ACOT1: variants seen among roughly 807,000 people sequenced by gnomAD.
The protein encoded by ACOT1 is acyl-coenzyme A thioesterase 1.
In ACOT1, 8 loss-of-function variants were observed where a neutral mutation model predicts 15.7. That is an observed-to-expected ratio of 0.51 (90% CI 0.30 to 0.92). ACOT1 has a LOEUF of 0.92. Ranked by LOEUF, ACOT1 falls within the 40% of genes least tolerant of loss-of-function variation. The probability of loss-of-function intolerance (pLI) is 0.06; values close to 1 mark genes in which losing one functional copy is unlikely to be tolerated. For missense variants in ACOT1, 151 were observed against 539.4 expected, an observed-to-expected ratio of 0.28 and a Z score of 7.13; for synonymous variants, 67 against 241.2, an observed-to-expected ratio of 0.28 and a Z score of 6.69.
chr14:73,522,834 G>T, the ACOT1 span: 2 of 1,614,072 alleles, frequency 1.2e-6, no homozygotes, highest in Non-Finnish European at 1.7e-6. Flanking sequence ...TTCCTGATCT[G>T]GGGAGTATGG....
the ACOT1 span, among the ~76,000 whole-genome samples, chr14:73,526,688 G>A: frequency 2.5e-4 from 38 of 152,322 alleles, no homozygotes; most frequent in African/African-American, 8.7e-4. Flanking sequence ...CCTACCCTGC[G>A]CCAGAAGGGA....
At chr14:73,520,739 G>A in the ACOT1 span, 3 of 956,562 alleles carry the variant, frequency 3.1e-6, no homozygotes, top group Non-Finnish European at 4.8e-6. Context: ...TGAAAACCTG[G>A]GTCATCCAGG....
chr14:73,504,003 TG>T, the ACOT1 span, among the ~76,000 whole-genome samples: 1 of 152,146 alleles, frequency 6.6e-6, no homozygotes, highest in Non-Finnish European at 1.5e-5. Flanking sequence ...ACAAATGAAT[TG>T]GAAGTTGTTA....
At chr14:73,499,013 A>C in the ACOT1 span, 2 of 1,446,524 alleles carry the variant, frequency 1.4e-6, no homozygotes, top group Non-Finnish European at 1.9e-6. Flanking sequence ...GATCATTTCT[A>C]CTTGCATAGG....
At chr14:73,516,083 C>T in the ACOT1 span, among the ~76,000 whole-genome samples, 1 of 50,094 alleles carries the variant, frequency 2.0e-5, no homozygotes, top group Admixed American at 2.2e-4. Flanking sequence ...ACTTTGGTTC[C>T]AGTCCTTTGG....
chr14:73,524,348 C>A, the ACOT1 span, among the ~76,000 whole-genome samples: 278 of 128,032 alleles, frequency 2.2e-3, 2 homozygotes, highest in African/African-American at 8.2e-3. Context: ...ATAGCTGTAA[C>A]GTATTTTATC....
the ACOT1 span, chr14:73,522,294 G>C: frequency 1.9e-6 from 3 of 1,614,080 alleles, no homozygotes; most frequent in Non-Finnish European, 2.5e-6. Flanking sequence ...GGAAGCAGCA[G>C]TTCTGGCTTC....
the ACOT1 span, chr14:73,493,059 C>T: frequency 6.2e-7 from 1 of 1,607,050 alleles, no homozygotes; most frequent in African/African-American, 1.4e-5. Flanking sequence ...AGTGTGCTCA[C>T]ATTTACCTTT....
the ACOT1 span, chr14:73,492,647 A>G: frequency 1.3e-4 from 215 of 1,614,014 alleles, 2 homozygotes; most frequent in South Asian, 1.4e-3. This position sits in a 1 kb window ranked among gnomAD's most constrained non-coding sequence, Gnocchi z 4.9. Context: ...CCAGTTGACA[A>G]CAGAAACAGA....
chr14:73,528,392 CAAAAAA>C, the ACOT1 span, among the ~76,000 whole-genome samples: 12,811 of 88,408 alleles, frequency 0.14, 849 homozygotes, highest in Non-Finnish European at 0.19. Flanking sequence ...AACTTCATCT[CAAAAAA>C]AAAAAAAAAA....
chr14:73,502,560 T>G, the ACOT1 span, among the ~76,000 whole-genome samples: 11 of 152,052 alleles, frequency 7.2e-5, no homozygotes, highest in Admixed American at 7.2e-4. Context: ...AAGCACTTTT[T>G]TTTTTTGAGA....
the ACOT1 span, among the ~76,000 whole-genome samples, chr14:73,497,784 G>A: frequency 0.018 from 2,678 of 152,008 alleles, 33 homozygotes; most frequent in Admixed American, 0.033. Flanking sequence ...GTGCCACCAT[G>A]CCTGGCTAAT....
the ACOT1 span, among the ~76,000 whole-genome samples, chr14:73,528,575 C>G: frequency 0.046 from 6,933 of 152,032 alleles, 230 homozygotes; most frequent in Middle Eastern, 0.12. Flanking sequence ...AGTCACGGGA[C>G]AGGTGTAAGG....
chr14:73,522,589 T>C, the ACOT1 span: 1 of 1,614,094 alleles, frequency 6.2e-7, no homozygotes, highest in African/African-American at 1.3e-5. Context: ...GCCAGGCTTC[T>C]CTTTCCTCCA....
chr14:73,509,381 TTGC>T, the ACOT1 span: 1 of 1,614,094 alleles, frequency 6.2e-7, no homozygotes, highest in Non-Finnish European at 8.5e-7. Context: ...TATTGGCATA[TTGC>T]TGCTGCCATC....
At chr14:73,509,866 A>ATATATATATTTATATATTTATATATT in the ACOT1 span, among the ~76,000 whole-genome samples, 1 of 67,522 alleles carries the variant, frequency 1.5e-5, no homozygotes, top group African/African-American at 6.3e-5. Flanking sequence ...ATATATATAT[A>ATATATATATTTATATATTTATATATT]TATTTATTTA....
chr14:73,529,377 A>AT, the ACOT1 span, among the ~76,000 whole-genome samples: 3 of 136,994 alleles, frequency 2.2e-5, no homozygotes, highest in Non-Finnish European at 3.3e-5. Context: ...AAAAAAAAAA[A>AT]TTAAGTCAAT....
chr14:73,525,826 G>T, the ACOT1 span, among the ~76,000 whole-genome samples: 1 of 152,174 alleles, frequency 6.6e-6, no homozygotes, highest in South Asian at 2.1e-4. Context: ...GGTGGTGGGG[G>T]CCTATAATCC....
chr14:73,493,108 A>G, the ACOT1 span: 1 of 1,611,820 alleles, frequency 6.2e-7, no homozygotes, highest in Middle Eastern at 1.7e-4. Context: ...AAGGTCTTCT[A>G]GGAAGAACCA....
Sources: gnomAD v4.1 joint callset for allele counts (sites outside exome capture counted in the v4.1 genomes callset) on GRCh38, gnomAD v4.1.1 for gene constraint, Gnocchi (gnomAD v3.1) non-coding constraint, MANE v1.5 for transcripts, NCBI Gene and HGNC (gene_info 2026-07-23, HGNC 2026-07-21) for gene names.